The following CSMD1 variants were observed in gnomAD, a reference collection of about 807,000 sequenced individuals.
The protein encoded by CSMD1 is CUB and Sushi multiple domains 1, also known as CUB and sushi domain-containing protein 1.
In CSMD1, 213 loss-of-function variants were observed where a neutral mutation model predicts 417.5. The observed-to-expected ratio is 0.51, with a 90% CI of 0.46 to 0.57. CSMD1 has a LOEUF of 0.57. Among genes scored for constraint, CSMD1 ranks in the 20% least tolerant of loss-of-function variants. The pLI, the probability that CSMD1 is intolerant of heterozygous loss-of-function variation, is 0.00. For missense variants in CSMD1, 6,923 were observed against 4,529.7 expected, an observed-to-expected ratio of 1.53 and a Z score of -15.17; for synonymous variants, 2,862 against 1,736.8, an observed-to-expected ratio of 1.65 and a Z score of -16.11.
In CSMD1 at chr8:4,013,615, C is replaced by G. The variant is rs79288843; in HGVS notation, c.611-15505G>C. 2.8e-3 allele frequency among the ~76,000 whole-genome samples: 428 copies of G among 152,262 alleles called. 11 individuals carry two copies. In the East Asian group the frequency reaches 0.057, roughly 20 times the overall value. ...ACAGCAAAGTTTATCTGTTGCTTCT[C>G]ATTTGCTTATTTATGTTATCTATCT... is the stretch of plus-strand genomic sequence containing the variant. On this transcript the variant is annotated intron_variant, in intron 4 of 69. Coordinates refer to ENST00000635120, the MANE Select transcript of CSMD1 (RefSeq NM_033225.6).
intron 3 of CSMD1, among the ~76,000 whole-genome samples, chr8:4,258,780 C>T (rs923623963): frequency 2.0e-5 from 3 of 152,010 alleles, no homozygotes; most frequent in Admixed American, 2.0e-4. Flanking sequence ...AATGTGTAAC[C>T]AGCTGAATAT....
chr8:3,688,996 G>A (rs778524892), intron 7 of CSMD1, among the ~76,000 whole-genome samples: 14 of 152,120 alleles, frequency 9.2e-5, no homozygotes, highest in Non-Finnish European at 1.9e-4. Context: ...TCGAGGCTCT[G>A]CATAGAGTTA....
At chr8:4,831,476 A>T (rs769032911) in intron 1 of CSMD1, among the ~76,000 whole-genome samples, 1 of 152,166 alleles carries the variant, frequency 6.6e-6, no homozygotes, top group Non-Finnish European at 1.5e-5. Flanking sequence ...TTACACTATC[A>T]TCTTAGAGTT....
intron 18 of CSMD1, chr8:3,373,267 T>C (rs1000683496): frequency 6.6e-6 from 1 of 152,216 alleles, no homozygotes. Flanking sequence ...GAATGTGCTC[T>C]GCCCTCTTTT....
At chr8:3,685,249 A>T (rs929057400) in intron 7 of CSMD1, among the ~76,000 whole-genome samples, 2 of 152,214 alleles carry the variant, frequency 1.3e-5, no homozygotes, top group African/African-American at 4.8e-5. Flanking sequence ...TATAAAATAA[A>T]GTTGCCTCAG....
At chr8:3,432,042 T>G (rs563367015) in intron 12 of CSMD1, among the ~76,000 whole-genome samples, 234 of 152,318 alleles carry the variant, frequency 1.5e-3, no homozygotes, top group Non-Finnish European at 2.6e-3. Context: ...TTTTTGAAGT[T>G]CCTACTCTGA....
At chr8:4,766,696 G>A (rs376327913) in intron 1 of CSMD1, among the ~76,000 whole-genome samples, 4 of 152,284 alleles carry the variant, frequency 2.6e-5, no homozygotes, top group East Asian at 3.9e-4. Flanking sequence ...AATGAACTCC[G>A]AACTCAGGCT....
chr8:4,434,071 C>A (rs750977938), intron 2 of CSMD1, among the ~76,000 whole-genome samples: 2 of 152,140 alleles, frequency 1.3e-5, no homozygotes, highest in African/African-American at 4.8e-5. Context: ...GACATTGGGA[C>A]TCACGCCTGT....
chr8:4,355,590 G>C (rs563652071), intron 3 of CSMD1, among the ~76,000 whole-genome samples: 2 of 152,334 alleles, frequency 1.3e-5, no homozygotes, highest in African/African-American at 4.8e-5. Flanking sequence ...AGGGACCAGA[G>C]TGTTCAGACA....
chr8:4,416,142 G>C (rs1796924605), intron 3 of CSMD1, among the ~76,000 whole-genome samples: 1 of 152,150 alleles, frequency 6.6e-6, no homozygotes, highest in Non-Finnish European at 1.5e-5. Context: ...ATGGAGAAAA[G>C]TTCTATACAA....
intron 2 of CSMD1, among the ~76,000 whole-genome samples, chr8:4,543,800 G>C (rs982284308): frequency 2.0e-5 from 3 of 149,622 alleles, no homozygotes; most frequent in Non-Finnish European, 4.4e-5. Flanking sequence ...AGCATTTGAT[G>C]TCAACATTTT....
chr8:3,994,562 T>A (rs902651119), intron 5 of CSMD1, among the ~76,000 whole-genome samples: 6 of 151,270 alleles, frequency 4.0e-5, no homozygotes, highest in Non-Finnish European at 4.4e-5. Context: ...AAATGGCAAC[T>A]CTCTGTTAAA....
intron 2 of CSMD1, among the ~76,000 whole-genome samples, chr8:4,621,075 G>T (rs1258542350): frequency 6.6e-6 from 1 of 151,998 alleles, no homozygotes. Context: ...AGTGGACTTA[G>T]AATAATAACA....
At chr8:4,717,050 A>C (rs1729871094) in intron 1 of CSMD1, among the ~76,000 whole-genome samples, 2 of 152,182 alleles carry the variant, frequency 1.3e-5, no homozygotes, top group African/African-American at 2.4e-5. Flanking sequence ...AATATCACAA[A>C]GAAAAATAGG....
chr8:3,401,562 A>C (rs1198041253), intron 15 of CSMD1, among the ~76,000 whole-genome samples: 5 of 152,318 alleles, frequency 3.3e-5, no homozygotes, highest in East Asian at 1.9e-4. Context: ...AGTTTGTATT[A>C]GTCAGTTTGG....
chr8:3,142,474 C>G lies in CSMD1; in HGVS notation c.6232G>C (p.Ala2078Pro), dbSNP rs753029477. The G allele has an allele frequency of 6.2e-7, 1 of 1,613,280 alleles. No homozygotes were observed. The highest frequency in any genetic ancestry group is 8.5e-7 in the Non-Finnish European group (1 of 1,179,488). The change falls in exon 41 of 70, where the codon GCT becomes CCT. Residue 2078 changes from alanine (A) to proline (P), a missense_variant. Coordinates refer to ENST00000635120, the MANE Select transcript of CSMD1 (RefSeq NM_033225.6). ...HSQNRQGFKLAYQAYELQNCP... is the reference protein window; with the variant it reads ...HSQNRQGFKLPYQAYELQNCP... ...CGTTGTTGTTCCATACCTTGGTAAG[C>G]AAGTTTAAATCCTTGCCGGTTTTGC...
At chr8:3,841,700 A>C (rs1803146605) in intron 5 of CSMD1, among the ~76,000 whole-genome samples, 1 of 151,452 alleles carries the variant, frequency 6.6e-6, no homozygotes, top group Non-Finnish European at 1.5e-5. Flanking sequence ...CCTAGTGATT[A>C]TAATATATAA....
chr8:4,933,299 C>G (rs532991367), intron 1 of CSMD1, among the ~76,000 whole-genome samples: 1 of 152,160 alleles, frequency 6.6e-6, no homozygotes, highest in Non-Finnish European at 1.5e-5. Flanking sequence ...AGGAGCACAA[C>G]CTGTCCAGCT....
chr8:4,846,844 A>G (rs1001335766), intron 1 of CSMD1, among the ~76,000 whole-genome samples: 1 of 152,224 alleles, frequency 6.6e-6, no homozygotes, highest in Non-Finnish European at 1.5e-5. Flanking sequence ...GCGTATATTT[A>G]TATATCAACT....
Sources: allele counts gnomAD v4.1 joint callset (sites outside exome capture counted in the v4.1 genomes callset), GRCh38; gene constraint gnomAD v4.1.1; transcripts MANE v1.5; gene names NCBI Gene and HGNC (gene_info 2026-07-23, HGNC 2026-07-21).